ANXA4: variants seen among roughly 807,000 people sequenced by gnomAD.
The protein encoded by ANXA4 is annexin A4.
In ANXA4, 39 loss-of-function variants were observed where a neutral mutation model predicts 49.8. The observed-to-expected ratio is 0.78, with a 90% confidence interval of 0.61 to 1.02. The LOEUF (loss-of-function observed/expected upper bound fraction) is 1.02. Ranked by LOEUF, ANXA4 falls within the 50% of genes least tolerant of loss-of-function variation. The pLI, the probability that ANXA4 is intolerant of heterozygous loss-of-function variation, is 0.00. For synonymous variants in ANXA4, 134 were observed against 152.5 expected (o/e 0.88, Z 0.89); for missense variants, 360 against 410.1 (o/e 0.88, Z 1.05).
intron 3 of ANXA4, among the ~76,000 whole-genome samples, chr2:69,796,211 G>A (rs1423475647): frequency 6.6e-6 from 1 of 152,186 alleles, no homozygotes; most frequent in Non-Finnish European, 1.5e-5. Context: ...TTTTCTTGTT[G>A]CCTGGGCAAT....
intron 2 of ANXA4, among the ~76,000 whole-genome samples, chr2:69,665,249 C>T (rs754051944): frequency 2.0e-5 from 3 of 152,180 alleles, no homozygotes; most frequent in Non-Finnish European, 2.9e-5. Flanking sequence ...GCAGAGATCA[C>T]GTGAACAGAC....
At chr2:69,645,416 T>C (rs939930373) in intron 1 of ANXA4, among the ~76,000 whole-genome samples, 1 of 152,238 alleles carries the variant, frequency 6.6e-6, no homozygotes, top group Non-Finnish European at 1.5e-5. Context: ...GATTTTTGTC[T>C]GAGGAAGTTT....
At chr2:69,697,925 T>A (rs961831449) in intron 2 of ANXA4, among the ~76,000 whole-genome samples, 1 of 147,618 alleles carries the variant, frequency 6.8e-6, no homozygotes, top group Non-Finnish European at 1.5e-5. Context: ...TGGGAGGATC[T>A]CTTAAGCCCA....
At chr2:69,775,364 A>C (rs913018320) in intron 1 of ANXA4, among the ~76,000 whole-genome samples, 1 of 152,124 alleles carries the variant, frequency 6.6e-6, no homozygotes, top group Non-Finnish European at 1.5e-5. Flanking sequence ...ATTAGTTTGC[A>C]TTTCCTTATG....
intron 2 of ANXA4, among the ~76,000 whole-genome samples, chr2:69,694,510 T>TCCC (rs1573111423): frequency 5.7e-5 from 3 of 52,476 alleles, no homozygotes; most frequent in East Asian, 7.2e-4. Flanking sequence ...ATGCTATCCC[T>TCCC]CCCCCCTCCC....
intron 3 of ANXA4, among the ~76,000 whole-genome samples, chr2:69,794,685 C>T (rs1672856957): frequency 6.6e-6 from 1 of 152,096 alleles, no homozygotes; most frequent in Non-Finnish European, 1.5e-5. Flanking sequence ...GCCTCAGCCT[C>T]CCGAGTAGCT....
chr2:69,684,699 AAAG>A (rs1192362675), intron 2 of ANXA4, among the ~76,000 whole-genome samples: 1 of 151,074 alleles, frequency 6.6e-6, no homozygotes, highest in African/African-American at 2.5e-5. Flanking sequence ...AAAAAAAAAA[AAAG>A]AAAGAAAGAG....
intron 1 of ANXA4, among the ~76,000 whole-genome samples, chr2:69,770,851 A>G (rs912447222): frequency 2.6e-5 from 4 of 151,722 alleles, no homozygotes; most frequent in African/African-American, 9.7e-5. Context: ...GCACGTTGGG[A>G]GGGTGAGGCA....
intron 1 of ANXA4, among the ~76,000 whole-genome samples, chr2:69,757,277 T>A (rs1426616837): frequency 8.9e-5 from 10 of 112,924 alleles, no homozygotes; most frequent in African/African-American, 4.6e-4. Context: ...TTTTTTTTTT[T>A]TTTTTTTTTT....
chr2:69,656,355 G>GTGTATATATA (rs1559046586), intron 2 of ANXA4, among the ~76,000 whole-genome samples: 1 of 127,050 alleles, frequency 7.9e-6, no homozygotes, highest in African/African-American at 3.1e-5. Context: ...GTGTATATAT[G>GTGTATATATA]TGTATATATA....
intron 2 of ANXA4, among the ~76,000 whole-genome samples, chr2:69,688,101 T>A (rs1319473241): frequency 1.3e-5 from 2 of 152,226 alleles, no homozygotes; most frequent in Non-Finnish European, 2.9e-5. Flanking sequence ...CACATCGCCA[T>A]GGTTAGATGG....
intron 1 of ANXA4, among the ~76,000 whole-genome samples, chr2:69,777,210 A>G (rs146446799): frequency 1.3e-5 from 2 of 151,940 alleles, no homozygotes; most frequent in Non-Finnish European, 2.9e-5. Flanking sequence ...TCCACTCCCT[A>G]TTTCCCACTG....
intron 1 of ANXA4, among the ~76,000 whole-genome samples, chr2:69,761,000 A>AAATT (rs780031130): frequency 0.025 from 3,791 of 151,080 alleles, 171 homozygotes; most frequent in African/African-American, 0.085. Context: ...CGTCTCTATT[A>AAATT]AATTAATTAA....
chr2:69,794,493 GTATGTTATGT>G (rs1431892811), intron 3 of ANXA4, among the ~76,000 whole-genome samples: 1 of 110,490 alleles, frequency 9.1e-6, no homozygotes, highest in Non-Finnish European at 2.1e-5. Flanking sequence ...CTGAGGGCTG[GTATGTTATGT>G]TATATTATGT....
intron 2 of ANXA4, among the ~76,000 whole-genome samples, chr2:69,698,019 T>G (rs1426468884): frequency 6.6e-6 from 1 of 151,618 alleles, no homozygotes; most frequent in African/African-American, 2.4e-5. Flanking sequence ...ATTGAGTGGT[T>G]TAAAAACAAC....
At chr2:69,720,424 G>A (rs1669785644) in intron 2 of ANXA4, among the ~76,000 whole-genome samples, 1 of 152,180 alleles carries the variant, frequency 6.6e-6, no homozygotes, top group African/African-American at 2.4e-5. Flanking sequence ...AAATTCAGGG[G>A]AGCTGAAGCA....
At chr2:69,805,179 A>T (rs1289944545) in intron 4 of ANXA4, among the ~76,000 whole-genome samples, 1 of 151,896 alleles carries the variant, frequency 6.6e-6, no homozygotes, top group Non-Finnish European at 1.5e-5. Flanking sequence ...AATTTGGTCC[A>T]TTTTCCAAAT....
chr2:69,719,001 G>C (rs547953776), intron 2 of ANXA4, among the ~76,000 whole-genome samples: 1 of 143,508 alleles, frequency 7.0e-6, no homozygotes, highest in South Asian at 2.2e-4. Flanking sequence ...TTTTGTGACT[G>C]AGTCTCACAC....
intron 2 of ANXA4, among the ~76,000 whole-genome samples, chr2:69,712,941 G>T (rs1449620861): frequency 6.6e-6 from 1 of 152,070 alleles, no homozygotes; most frequent in Non-Finnish European, 1.5e-5. Flanking sequence ...GGACTCTTTG[G>T]GGCCAATGAA....
Sources: allele counts gnomAD v4.1 joint callset (sites outside exome capture counted in the v4.1 genomes callset), GRCh38; gene constraint gnomAD v4.1.1; transcripts MANE v1.5; gene names NCBI Gene and HGNC (gene_info 2026-07-23, HGNC 2026-07-21).